The following TMC1 variants were observed in gnomAD, a reference collection of about 807,000 sequenced individuals.
The protein encoded by TMC1 is transmembrane channel-like protein 1.
TMC1 carries 84 observed loss-of-function variants against 105.8 expected under a neutral mutation model. The observed-to-expected ratio is 0.79, with a 90% CI of 0.67 to 0.95. The LOEUF (loss-of-function observed/expected upper bound fraction) is 0.95. TMC1 is among the 40% of genes least tolerant of loss of function. The pLI is 0.00. For missense variants in TMC1, 817 were observed against 914.1 expected (o/e 0.89, Z 1.37); for synonymous variants, 315 against 311.5 (o/e 1.01, Z -0.12).
chr9:72,764,678 A>T (rs1291714321), intron 12 of TMC1, among the ~76,000 whole-genome samples: 1 of 152,216 alleles, frequency 6.6e-6, no homozygotes, highest in Non-Finnish European at 1.5e-5. Flanking sequence ...GAATAAAAAA[A>T]GTTGGTGTAC....
At chr9:72,766,068 T>A (rs1827828669) in intron 12 of TMC1, among the ~76,000 whole-genome samples, 1 of 152,138 alleles carries the variant, frequency 6.6e-6, no homozygotes, top group Non-Finnish European at 1.5e-5. Flanking sequence ...ACAGCAGTAT[T>A]AATACCTAGC....
At chr9:72,736,778 T>C (rs1827305698) in intron 8 of TMC1, among the ~76,000 whole-genome samples, 1 of 152,116 alleles carries the variant, frequency 6.6e-6, no homozygotes, top group Non-Finnish European at 1.5e-5. Flanking sequence ...TGCCGTAACA[T>C]GATGTATGGG....
intron 8 of TMC1, among the ~76,000 whole-genome samples, chr9:72,735,581 T>C (rs960837992): frequency 2.6e-5 from 4 of 152,228 alleles, no homozygotes; most frequent in Admixed American, 1.3e-4. Context: ...AATTGTACAA[T>C]GAAATATGTT....
intron 4 of TMC1, among the ~76,000 whole-genome samples, chr9:72,642,007 C>T (rs902318687): frequency 6.6e-6 from 1 of 151,676 alleles, no homozygotes; most frequent in Non-Finnish European, 1.5e-5. Flanking sequence ...TTAGTAGAGA[C>T]AGGGTTTCAT....
At chr9:72,528,724 TCAGCCTTAATGTC>T (rs1823447969) in intron 1 of TMC1, among the ~76,000 whole-genome samples, 1 of 152,162 alleles carries the variant, frequency 6.6e-6, no homozygotes, top group South Asian at 2.1e-4. Context: ...GACTTGGCTC[TCAGCCTTAATGTC>T]CTGCTCCCAC....
At chr9:72,831,793 T>C (rs947778594) in intron 23 of TMC1, among the ~76,000 whole-genome samples, 2 of 152,112 alleles carry the variant, frequency 1.3e-5, no homozygotes, top group African/African-American at 4.8e-5. Context: ...CTGCATAGTA[T>C]TCCATGGTGT....
intron 8 of TMC1, among the ~76,000 whole-genome samples, chr9:72,721,065 A>G (rs1025427425): frequency 6.6e-6 from 1 of 152,232 alleles, no homozygotes; most frequent in African/African-American, 2.4e-5. Context: ...TAAGAATTTT[A>G]AGATGATGAA....
intron 5 of TMC1, among the ~76,000 whole-genome samples, chr9:72,667,834 G>A (rs772900620): frequency 3.3e-5 from 5 of 152,124 alleles, no homozygotes; most frequent in Non-Finnish European, 7.4e-5. Context: ...TTTGTTCAGC[G>A]TTTTTCTTCT....
At position 72,802,878 on chromosome 9, in the gene TMC1, A is replaced by G. The variant is rs542546315; in HGVS notation, c.1567-2504A>G. Among the ~76,000 whole-genome samples the G allele has an allele frequency of 2.5e-4, 38 of 152,350 alleles. 1 individual carries two copies. The highest frequency in any genetic ancestry group is 8.7e-4 in the African/African-American group (36 of 41,566). On this transcript the variant is annotated intron_variant, in intron 17 of 23. Transcript: ENST00000297784. ...ACATTCTTCACAGAATTAGAAAAAA[A>G]ACATTTTTAAATTCATATGGAACCA...
intron 4 of TMC1, among the ~76,000 whole-genome samples, chr9:72,631,838 G>A (rs752603490): frequency 3.3e-5 from 5 of 152,172 alleles, no homozygotes; most frequent in Non-Finnish European, 5.9e-5. Context: ...CATGCAAGAA[G>A]ATGGGATTGT....
chr9:72,646,645 T>TA (rs1825715706), intron 4 of TMC1, among the ~76,000 whole-genome samples: 1 of 151,890 alleles, frequency 6.6e-6, no homozygotes, highest in Non-Finnish European at 1.5e-5. Context: ...TTTATTTATT[T>TA]TTTTTTGAGA....
At chr9:72,710,749 A>G (rs916503829) in intron 8 of TMC1, among the ~76,000 whole-genome samples, 1 of 152,104 alleles carries the variant, frequency 6.6e-6, no homozygotes, top group Non-Finnish European at 1.5e-5. Context: ...GTGTTAGTTG[A>G]GTCTCTTGAA....
chr9:72,578,633 A>G (rs951268034), intron 2 of TMC1, among the ~76,000 whole-genome samples: 1 of 152,190 alleles, frequency 6.6e-6, no homozygotes, highest in African/African-American at 2.4e-5. Flanking sequence ...CTGACGAGCT[A>G]GTGACAGGAG....
chr9:72,755,094 G>GAA (rs1320860640), intron 12 of TMC1, among the ~76,000 whole-genome samples: 12 of 123,992 alleles, frequency 9.7e-5, no homozygotes, highest in South Asian at 2.3e-4. Context: ...GAGAGAGAGA[G>GAA]AGAAAGAAAG....
At chr9:72,563,869 A>G (rs1824100289) in intron 1 of TMC1, among the ~76,000 whole-genome samples, 1 of 134,298 alleles carries the variant, frequency 7.4e-6, no homozygotes, top group Admixed American at 8.4e-5. Flanking sequence ...ATTGCATTCC[A>G]GCCTGGACAA....
intron 5 of TMC1, among the ~76,000 whole-genome samples, chr9:72,673,295 G>C (rs543018964): frequency 1.1e-3 from 108 of 100,154 alleles, no homozygotes; most frequent in African/African-American, 6.3e-3. Flanking sequence ...GAAGAAACTA[G>C]AAAAACAAAA....
chr9:72,802,383 T>C (rs1828490491), intron 17 of TMC1, among the ~76,000 whole-genome samples: 1 of 152,230 alleles, frequency 6.6e-6, no homozygotes, highest in South Asian at 2.1e-4. Flanking sequence ...CATTCATTTT[T>C]TATTTATGAG....
chr9:72,772,245 A>G (rs929534019), intron 12 of TMC1, among the ~76,000 whole-genome samples, 168 bp from the exon 13 acceptor site: 2 of 152,186 alleles, frequency 1.3e-5, no homozygotes, highest in African/African-American at 2.4e-5. Flanking sequence ...GCCAATCAAC[A>G]TGGCAGCTGA....
intron 12 of TMC1, among the ~76,000 whole-genome samples, chr9:72,758,746 C>T (rs2118080865): frequency 6.6e-6 from 1 of 152,248 alleles, no homozygotes; most frequent in Middle Eastern, 3.4e-3. Flanking sequence ...CTCAGGTTAA[C>T]CAGACGTTTC....
Sources: allele counts gnomAD v4.1 joint callset (sites outside exome capture counted in the v4.1 genomes callset), GRCh38; gene constraint gnomAD v4.1.1; transcripts MANE v1.5; gene names NCBI Gene and HGNC (gene_info 2026-07-23, HGNC 2026-07-21).